The following KATNAL2 variants were observed in gnomAD, a reference collection of about 807,000 sequenced individuals.
KATNAL2 encodes katanin catalytic subunit A1 like 2, also known as katanin p60 ATPase-containing subunit A-like 2.
A neutral mutation model predicts 76.3 loss-of-function variants in KATNAL2; 52 were observed. The observed-to-expected ratio is 0.68, with a 90% CI of 0.55 to 0.86. KATNAL2 has a LOEUF of 0.86. Ranked by LOEUF, KATNAL2 falls within the 40% of genes least tolerant of loss-of-function variation. KATNAL2 has a pLI of 0.00. For synonymous variants in KATNAL2, 243 were observed against 244.2 expected, an observed-to-expected ratio of 1.00 and a Z score of 0.05; for missense variants, 660 against 668.9, an observed-to-expected ratio of 0.99 and a Z score of 0.15.
intron 11 of KATNAL2, among the ~76,000 whole-genome samples, chr18:47,068,950 G>GAA (rs1758259136): frequency 6.6e-6 from 1 of 152,184 alleles, no homozygotes; most frequent in Non-Finnish European, 1.5e-5. Context: ...CGGAGAGGAA[G>GAA]AAATACCTAC....
rs1362179874 is a variant in KATNAL2 at position 47,071,422 on chromosome 18, G to A, written c.1008+1822G>A. 3.9e-5 allele frequency among the ~76,000 whole-genome samples: 6 copies of A among 152,228 alleles called. No homozygotes were observed. The East Asian group carries it at 1.2e-3, about 29-fold the overall frequency. Reference sequence around the variant, plus strand: ...AGAGTGTCAGGGGGAACAGGGAGAGGTTCTGGAACCAATCTCTTCCATATG... The same window carrying A: ...AGAGTGTCAGGGGGAACAGGGAGAGATTCTGGAACCAATCTCTTCCATATG... On this transcript the variant is annotated intron_variant, in intron 13 of 17. Transcript: ENST00000683218.
chr18:47,058,117 C>T (rs1025909116), intron 6 of KATNAL2, 118 bp from the exon 7 acceptor site: 2 of 738,526 alleles, frequency 2.7e-6, no homozygotes, highest in African/African-American at 3.5e-5. Flanking sequence ...CCTATAGTTG[C>T]CACCTGCATA....
intron 3 of KATNAL2, among the ~76,000 whole-genome samples, chr18:46,959,589 T>C (rs1238094630): frequency 2.0e-5 from 3 of 152,224 alleles, no homozygotes; most frequent in Admixed American, 6.5e-5. Flanking sequence ...TTAATTTTTT[T>C]TGGAGACAGA....
At chr18:47,031,443 G>C (rs1272004843) in intron 3 of KATNAL2, among the ~76,000 whole-genome samples, 1 of 152,048 alleles carries the variant, frequency 6.6e-6, no homozygotes, top group African/African-American at 2.4e-5. Flanking sequence ...GTGTTGTGGT[G>C]GGGGCGGGGT....
At chr18:46,920,801 A>T (rs2058496081) in intron 1 of KATNAL2, among the ~76,000 whole-genome samples, 1 of 152,134 alleles carries the variant, frequency 6.6e-6, no homozygotes, top group Non-Finnish European at 1.5e-5. Context: ...ACTTGAATCC[A>T]ACTTCCTTAT....
At chr18:46,956,780 T>C (rs919724796) in intron 3 of KATNAL2, among the ~76,000 whole-genome samples, 20 of 152,140 alleles carry the variant, frequency 1.3e-4, no homozygotes, top group Admixed American at 4.6e-4. Flanking sequence ...TGGTGGCTCA[T>C]GCCTGTAATC....
intron 1 of KATNAL2, among the ~76,000 whole-genome samples, chr18:46,940,265 T>C (rs915451613): frequency 6.6e-6 from 1 of 152,218 alleles, no homozygotes; most frequent in Non-Finnish European, 1.5e-5. Flanking sequence ...AGGGCCAACA[T>C]TGTGATACCA....
intron 3 of KATNAL2, among the ~76,000 whole-genome samples, chr18:47,044,995 G>A (rs1041862868): frequency 6.6e-6 from 1 of 151,906 alleles, no homozygotes; most frequent in East Asian, 1.9e-4. Flanking sequence ...CTACTGAGGA[G>A]ACTGAAGCAG....
rs566149893 is a variant in KATNAL2 at position 47,036,264 on chromosome 18, C to T, written c.52-10193C>T. On this transcript the variant is annotated intron_variant, in intron 3 of 17. Coordinates refer to ENST00000683218, the MANE Select transcript of KATNAL2 (RefSeq NM_001387690.1). Reference sequence around the variant, plus strand: ...CTGCCCTTTGTTCAGTGAAATGCTACAGCAAGAACTTTTTCATGATTAGGT... The same window carrying T: ...CTGCCCTTTGTTCAGTGAAATGCTATAGCAAGAACTTTTTCATGATTAGGT... Among the ~76,000 whole-genome samples, 20 of 152,328 alleles carry T rather than the reference C, an allele frequency of 1.3e-4. No individual in the cohort carries two copies. The South Asian group carries it at 3.7e-3, about 28-fold the overall frequency.
chr18:46,954,582 GCCT>G (rs2059668542), intron 3 of KATNAL2, among the ~76,000 whole-genome samples: 1 of 151,864 alleles, frequency 6.6e-6, no homozygotes, highest in Non-Finnish European at 1.5e-5. Context: ...GCCCACCTTG[GCCT>G]CCCAGAGTGC....
chr18:47,037,338 C>A (rs1163525997), intron 3 of KATNAL2, among the ~76,000 whole-genome samples: 1 of 152,062 alleles, frequency 6.6e-6, no homozygotes, highest in East Asian at 1.9e-4. Context: ...GGCACAATAG[C>A]CCACAAAGGA....
At chr18:47,047,604 A>C (rs1176245373) in intron 4 of KATNAL2, among the ~76,000 whole-genome samples, 1 of 152,076 alleles carries the variant, frequency 6.6e-6, no homozygotes, top group African/African-American at 2.4e-5. Flanking sequence ...ATGATATAAG[A>C]GTAAGAGAGC....
intron 15 of KATNAL2, among the ~76,000 whole-genome samples, chr18:47,080,795 A>C (rs1008201940): frequency 6.6e-6 from 1 of 152,204 alleles, no homozygotes; most frequent in Non-Finnish European, 1.5e-5. Context: ...GATATTGTGC[A>C]TCTTTTCATG....
chr18:47,033,715 C>A (rs1236198608), intron 3 of KATNAL2: 5 of 1,614,072 alleles, frequency 3.1e-6, no homozygotes, highest in Middle Eastern at 1.6e-4. Flanking sequence ...AGGCCTGGAG[C>A]CCGAGTACAC....
chr18:47,096,533 TCTCA>T (rs1256227351), intron 15 of KATNAL2, among the ~76,000 whole-genome samples: 2 of 152,050 alleles, frequency 1.3e-5, no homozygotes, highest in Middle Eastern at 3.4e-3. Context: ...AGAGACGGGG[TCTCA>T]CTATGTTGCC....
rs2061419032 is a variant in KATNAL2, at chr18:47,054,515, C to T, written c.332+77C>T. 27 of 1,389,832 alleles carry T rather than the reference C, an allele frequency of 1.9e-5. No homozygotes were observed. The South Asian group carries it at 2.8e-4, about 15-fold the overall frequency. The allele number at this position is 1,389,832 out of a possible 1,614,324, so 86.1% of individuals were successfully genotyped here. On this transcript the variant is annotated intron_variant, in intron 6 of 17. Coordinates refer to ENST00000683218, the MANE Select transcript of KATNAL2 (RefSeq NM_001387690.1). ...AATCCCTTTCCAGAAGCTTTACCATCACAGCTCTGTGACTGTCTCCCAGCA... is the reference window on the plus strand; with the variant it reads ...AATCCCTTTCCAGAAGCTTTACCATTACAGCTCTGTGACTGTCTCCCAGCA...
At chr18:46,919,019 G>A (rs1268358963) in intron 1 of KATNAL2, among the ~76,000 whole-genome samples, 2 of 151,636 alleles carry the variant, frequency 1.3e-5, no homozygotes, top group Non-Finnish European at 2.9e-5. Flanking sequence ...GTGTGTGTGT[G>A]TGTGTGTGTG....
intron 10 of KATNAL2, among the ~76,000 whole-genome samples, 170 bp from the exon 11 acceptor site, chr18:47,066,851 A>C (rs1455750538): frequency 3.0e-5 from 1 of 32,908 alleles, no homozygotes; most frequent in Non-Finnish European, 6.3e-5. Context: ...ATGTGTTTAT[A>C]TATATATATA....
intron 1 of KATNAL2, among the ~76,000 whole-genome samples, chr18:46,923,127 A>G (rs1018899388): frequency 6.6e-6 from 1 of 150,790 alleles, no homozygotes; most frequent in African/African-American, 2.4e-5. Flanking sequence ...GGTTTGTTAC[A>G]TATGTATACA....
Sources: gnomAD v4.1 joint callset for allele counts (sites outside exome capture counted in the v4.1 genomes callset) on GRCh38, gnomAD v4.1.1 for gene constraint, MANE v1.5 for transcripts, NCBI Gene and HGNC (gene_info 2026-07-23, HGNC 2026-07-21) for gene names.